Variants in PCDH15 observed in about 807,000 individuals in gnomAD.
The protein encoded by PCDH15 is protocadherin related 15.
Under a neutral mutation model 178.5 loss-of-function variants are expected in PCDH15, and 129 were observed. The ratio of observed to expected loss-of-function variants is 0.72; its 90% CI spans 0.63 to 0.84. The LOEUF is 0.84. PCDH15 is among the 40% of genes least tolerant of loss of function. The probability of loss-of-function intolerance (pLI) is 0.00; values close to 1 mark genes in which losing one functional copy is unlikely to be tolerated. For synonymous variants in PCDH15, 800 were observed against 732.0 expected, an observed-to-expected ratio of 1.09 and a Z score of -1.50; for missense variants, 2,230 against 2,099.9, an observed-to-expected ratio of 1.06 and a Z score of -1.21.
At chr10:54,731,569 C>CACAT (rs1439066090) in intron 1 of PCDH15, among the ~76,000 whole-genome samples, 934 of 42,072 alleles carry the variant, frequency 0.022, 34 homozygotes, top group Non-Finnish European at 0.043. Context: ...TATATACACA[C>CACAT]ACACACACAC....
chr10:55,405,080 G>A (rs1838163911), intron 2 of PCDH15, among the ~76,000 whole-genome samples: 1 of 151,218 alleles, frequency 6.6e-6, no homozygotes, highest in Non-Finnish European at 1.5e-5. Context: ...AGATTATATT[G>A]CCACACTATT....
chr10:53,812,269 G>T (rs907443260), intron 35 of PCDH15, among the ~76,000 whole-genome samples: 1 of 152,122 alleles, frequency 6.6e-6, no homozygotes, highest in Non-Finnish European at 1.5e-5. Context: ...GTGCAGTGGC[G>T]TGATCTTGGC....
At chr10:55,556,280 T>C (rs557132581) in intron 2 of PCDH15, among the ~76,000 whole-genome samples, 1 of 152,232 alleles carries the variant, frequency 6.6e-6, no homozygotes, top group South Asian at 2.1e-4. Context: ...ATATTACACA[T>C]GTCATCTGGT....
intron 2 of PCDH15, among the ~76,000 whole-genome samples, chr10:55,074,407 G>T (rs1358449269): frequency 1.3e-5 from 2 of 151,998 alleles, no homozygotes; most frequent in African/African-American, 4.8e-5. Flanking sequence ...TCACCATTCT[G>T]ACTGGCATGA....
intron 1 of PCDH15, among the ~76,000 whole-genome samples, chr10:54,706,150 A>G (rs1010233296): frequency 6.6e-6 from 1 of 152,234 alleles, no homozygotes; most frequent in Non-Finnish European, 1.5e-5. Flanking sequence ...AATGCTGATT[A>G]CAAGGAACTC....
intron 1 of PCDH15, among the ~76,000 whole-genome samples, chr10:55,175,569 C>A (rs576389951): frequency 1.4e-5 from 2 of 147,340 alleles, no homozygotes; most frequent in African/African-American, 5.0e-5. Context: ...GGGTGGCTGG[C>A]GCAAGAGAAT....
At chr10:54,250,077 C>CTATTT (rs1412806029) in intron 8 of PCDH15, among the ~76,000 whole-genome samples, 3 of 137,802 alleles carry the variant, frequency 2.2e-5, no homozygotes, top group African/African-American at 8.1e-5. Flanking sequence ...CCACATCCGG[C>CTATTT]TTTTTTTTTT....
chr10:54,662,978 A>T (rs1412634884), intron 2 of PCDH15, among the ~76,000 whole-genome samples: 1 of 152,020 alleles, frequency 6.6e-6, no homozygotes, highest in Non-Finnish European at 1.5e-5. Context: ...CAAAGATGTG[A>T]AGTTAAGTTC....
chr10:54,348,164 A>C (rs1422116179), intron 5 of PCDH15, among the ~76,000 whole-genome samples: 2 of 152,144 alleles, frequency 1.3e-5, no homozygotes, highest in Admixed American at 1.3e-4. Flanking sequence ...AGATTTTTAA[A>C]CATTAAAATA....
At chr10:53,900,126 A>G (rs935274228) in intron 26 of PCDH15, among the ~76,000 whole-genome samples, 13 of 152,032 alleles carry the variant, frequency 8.6e-5, no homozygotes, top group African/African-American at 2.9e-4. Context: ...TTGAATCCAC[A>G]AGACAATTTG....
chr10:54,074,082 A>T (rs945594274), intron 17 of PCDH15, among the ~76,000 whole-genome samples: 1 of 152,204 alleles, frequency 6.6e-6, no homozygotes, highest in Non-Finnish European at 1.5e-5. Flanking sequence ...AGAAGATGGG[A>T]ATGAAAGTAG....
At chr10:55,089,414 A>G (rs375413189) in intron 2 of PCDH15, among the ~76,000 whole-genome samples, 1 of 152,058 alleles carries the variant, frequency 6.6e-6, no homozygotes, top group Non-Finnish European at 1.5e-5. Flanking sequence ...TCTCTACTTG[A>G]TATCTGTCTA....
chr10:54,242,167 TATATATATATATATATATATAC>T lies in PCDH15; in HGVS notation c.877-5258_877-5237del, dbSNP rs1564769763. 1.2e-3 allele frequency among the ~76,000 whole-genome samples: 126 copies of T among 102,696 alleles called. 2 individuals are homozygous for T. The South Asian group carries it at 0.021, about 17-fold the overall frequency. The allele number at this position is 102,696 out of a possible 152,430, so 67.4% of individuals were successfully genotyped here. ...ATATATATATATATATATATATATA[TATATATATATATATATATATAC>T]ACACACACACATACATACATACACA... is the stretch of plus-strand genomic sequence containing the variant. On this transcript the variant is annotated intron_variant, in intron 8 of 37. Transcript: ENST00000644397.
intron 15 of PCDH15, among the ~76,000 whole-genome samples, chr10:54,101,589 G>A (rs556625693): frequency 6.6e-6 from 1 of 152,256 alleles, no homozygotes; most frequent in South Asian, 2.1e-4. Context: ...ATACAGCAGA[G>A]ACACTTCTCC....
chr10:55,583,771 C>T (rs1373168224), intron 2 of PCDH15, among the ~76,000 whole-genome samples: 1 of 151,840 alleles, frequency 6.6e-6, no homozygotes, highest in Non-Finnish European at 1.5e-5. Context: ...TCCACAATAT[C>T]GGTTACATAA....
chr10:54,155,263 T>C (rs2044988793), intron 13 of PCDH15, among the ~76,000 whole-genome samples: 1 of 152,094 alleles, frequency 6.6e-6, no homozygotes, highest in Non-Finnish European at 1.5e-5. Flanking sequence ...GGATGATAAT[T>C]ACATTGAAGA....
intron 3 of PCDH15, among the ~76,000 whole-genome samples, chr10:54,839,125 A>G (rs1306675023): frequency 6.6e-6 from 1 of 152,210 alleles, no homozygotes; most frequent in East Asian, 1.9e-4. Flanking sequence ...AAGAATTACA[A>G]AAATACAGGC....
chr10:55,254,699 T>C (rs1841941648), intron 1 of PCDH15, among the ~76,000 whole-genome samples: 1 of 152,188 alleles, frequency 6.6e-6, no homozygotes, highest in South Asian at 2.1e-4. Context: ...AATTCCCTAA[T>C]ATCTGTAAAA....
intron 3 of PCDH15, among the ~76,000 whole-genome samples, chr10:54,409,434 C>T (rs1953156592): frequency 1.3e-5 from 2 of 151,988 alleles, no homozygotes; most frequent in African/African-American, 2.4e-5. Flanking sequence ...ATATCCCTAA[C>T]TGATATTGCA....
Sources: allele counts gnomAD v4.1 joint callset (sites outside exome capture counted in the v4.1 genomes callset), GRCh38; gene constraint gnomAD v4.1.1; transcripts MANE v1.5; gene names NCBI Gene and HGNC (gene_info 2026-07-23, HGNC 2026-07-21).